PCDHGB2: variants seen among roughly 807,000 people sequenced by gnomAD.
The protein encoded by PCDHGB2 is protocadherin gamma-B2.
PCDHGB2 carries 55 observed loss-of-function variants against 59.3 expected under a neutral mutation model. The observed-to-expected ratio is 0.93, with a 90% confidence interval of 0.75 to 1.16. The LOEUF is 1.16. Ranked by LOEUF, PCDHGB2 falls within the 50% of genes most tolerant of loss-of-function variation. PCDHGB2 has a pLI of 0.00. For synonymous variants in PCDHGB2, 516 were observed against 512.0 expected, an observed-to-expected ratio of 1.01 and a Z score of -0.11; for missense variants, 1,228 against 1,198.5, an observed-to-expected ratio of 1.02 and a Z score of -0.36.
chr5:141,381,725 G>T (rs568567698), intron 1 of PCDHGB2, among the ~76,000 whole-genome samples: 1 of 151,768 alleles, frequency 6.6e-6, no homozygotes, highest in Admixed American at 6.6e-5. Flanking sequence ...AAGACTGGGA[G>T]TGAGAATATT....
rs776550132 is a variant in PCDHGB2, at chr5:141,394,056, G to A, written c.2421+31500G>A. 6 of 1,613,616 alleles carry A rather than the reference G, an allele frequency of 3.7e-6. No homozygotes were observed. The African/African-American group carries it at 5.3e-5, about 14-fold the overall frequency. On this transcript the variant is annotated intron_variant, in intron 1 of 3. Coordinates refer to ENST00000522605, the MANE Select transcript of PCDHGB2 (RefSeq NM_018923.3). ...AAGGAAATATTTGGACCGAGAAAAT[G>A]TCTCTATCTACAATATCACAGTGAT...
chr5:141,419,481 C>T (rs2096389716), intron 1 of PCDHGB2: 1 of 1,612,422 alleles, frequency 6.2e-7, no homozygotes, highest in East Asian at 2.2e-5. Flanking sequence ...GGCTCGCCCG[C>T]GCTCAGCGCC....
chr5:141,428,361 C>G, intron 1 of PCDHGB2: 2 of 556,764 alleles, frequency 3.6e-6, no homozygotes, highest in Non-Finnish European at 6.6e-6. Context: ...TTTTGGCGGT[C>G]GCCTTGCACC....
At chr5:141,479,982 C>T (rs368461965) in intron 1 of PCDHGB2, among the ~76,000 whole-genome samples, 1 of 152,192 alleles carries the variant, frequency 6.6e-6, no homozygotes, top group South Asian at 2.1e-4. Flanking sequence ...CTACCATTTA[C>T]CAACTAGGAG....
At position 141,374,373 on chromosome 5, in the gene PCDHGB2, C is replaced by A. The variant is rs370590731; in HGVS notation, c.2421+11817C>A. 7.4e-6 allele frequency: 12 copies of A among 1,613,934 alleles called. No homozygotes were observed. Among genetic ancestry groups the A allele is most frequent in the Non-Finnish European group, 8.5e-7 (1 of 1,179,910 alleles). On this transcript the variant is annotated intron_variant, in intron 1 of 3. Transcript: ENST00000522605. ...AGGATAGACCGCGAGGAGCTCTGTGCTCAGAGCCCGCGGTGTCTGGTGAGT... is the reference window on the plus strand; with the variant it reads ...AGGATAGACCGCGAGGAGCTCTGTGATCAGAGCCCGCGGTGTCTGGTGAGT...
chr5:141,399,731 CGCCTGCGCTCAGCGCAAACGTGA>C (rs777966215), intron 1 of PCDHGB2: 5 of 1,613,174 alleles, frequency 3.1e-6, no homozygotes, highest in Admixed American at 1.7e-5. Flanking sequence ...GACCAGGGCT[CGCCTGCGCTCAGCGCAAACGTGA>C]GCCTGCGCGT....
intron 1 of PCDHGB2, chr5:141,478,545 A>T: frequency 6.2e-7 from 1 of 1,605,606 alleles, no homozygotes; most frequent in Admixed American, 1.7e-5. Context: ...CCTCCCGGAC[A>T]GGTAAGGTTT....
rs750214310 is a variant in PCDHGB2 at position 141,432,447 on chromosome 5, T to C, written c.2422-62360T>C. 1 of 1,614,202 alleles carries C rather than the reference T, an allele frequency of 6.2e-7. No homozygotes were observed. Among genetic ancestry groups the C allele is most frequent in the South Asian group, 1.1e-5 (1 of 91,072 alleles). ...CAGAACGACAATGCGCCCGAGATCCTGTACCCCGCCCTCCCCACGGACGGT... is the reference window on the plus strand; with the variant it reads ...CAGAACGACAATGCGCCCGAGATCCCGTACCCCGCCCTCCCCACGGACGGT... On this transcript the variant is annotated intron_variant, in intron 1 of 3. Coordinates refer to ENST00000522605, the MANE Select transcript of PCDHGB2 (RefSeq NM_018923.3). This position sits in a 1 kb window ranked among gnomAD's most constrained non-coding sequence, Gnocchi z 6.0.
At chr5:141,437,654 A>C (rs185455660) in intron 1 of PCDHGB2, among the ~76,000 whole-genome samples, 1 of 152,256 alleles carries the variant, frequency 6.6e-6, no homozygotes, top group African/African-American at 2.4e-5. Context: ...GCAAACACAT[A>C]GTTTCGAAGA....
At chr5:141,452,887 C>T (rs1000136303) in intron 1 of PCDHGB2, among the ~76,000 whole-genome samples, 1 of 152,174 alleles carries the variant, frequency 6.6e-6, no homozygotes, top group Non-Finnish European at 1.5e-5. Flanking sequence ...ATAATTTATT[C>T]CACTTTTATT....
intron 1 of PCDHGB2, chr5:141,478,171 G>A (rs141465380): frequency 7.3e-5 from 118 of 1,613,942 alleles, no homozygotes; most frequent in African/African-American, 1.5e-4. Flanking sequence ...CCCCCCGGGA[G>A]CAGAAAAAAA....
At chr5:141,367,544 A>G (rs976258516) in intron 1 of PCDHGB2, 78 of 146,054 alleles carry the variant, frequency 5.3e-4, no homozygotes, top group African/African-American at 1.8e-3. Context: ...CTCAAAATAA[A>G]TAAATAAATA....
chr5:141,402,977 C>T, intron 1 of PCDHGB2: 2 of 1,608,138 alleles, frequency 1.2e-6, no homozygotes, highest in Non-Finnish European at 8.5e-7. Flanking sequence ...CAAATGCCAG[C>T]TCCGCGGAAG....
chr5:141,408,769 C>A (rs754783489), intron 1 of PCDHGB2: 3 of 1,611,166 alleles, frequency 1.9e-6, no homozygotes, highest in South Asian at 1.1e-5. Flanking sequence ...CCGATGGTGG[C>A]AAATACCCAG....
At position 141,485,443 on chromosome 5, in the gene PCDHGB2, C is replaced by A. The variant is rs2099613637; in HGVS notation, c.2422-9364C>A. 5 of 1,614,054 alleles carry A rather than the reference C, an allele frequency of 3.1e-6. No individual in the cohort carries two copies. The East Asian group carries it at 6.7e-5, about 22-fold the overall frequency. ...GAGCCCTGCTCATCAAGAACCCAAT[C>A]GACCGAGAGGCACTGTGTGGGCTCA... On this transcript the variant is annotated intron_variant, in intron 1 of 3. Coordinates refer to ENST00000522605, the MANE Select transcript of PCDHGB2 (RefSeq NM_018923.3). This position sits in a 1 kb window ranked among gnomAD's most constrained non-coding sequence, Gnocchi z 5.7.
intron 1 of PCDHGB2, among the ~76,000 whole-genome samples, chr5:141,472,508 C>T (rs140607073): frequency 0.01 from 1,548 of 151,922 alleles, 35 homozygotes; most frequent in African/African-American, 0.035. Flanking sequence ...CCACTGCACT[C>T]CAGCCTGGGT....
In PCDHGB2 at chr5:141,502,866, C is replaced by CTTTTTTTTTTTT. The variant is rs549047197; in HGVS notation, c.2481-2524_2481-2513dup. 2.4e-4 allele frequency among the ~76,000 whole-genome samples: 31 copies of CTTTTTTTTTTTT among 128,008 alleles called. 3 individuals are homozygous for CTTTTTTTTTTTT. Among genetic ancestry groups the CTTTTTTTTTTTT allele is most frequent in the African/African-American group, 3.4e-4 (11 of 32,350 alleles). 84.0% of individuals were successfully genotyped at this position (128,008 alleles called of 152,430 possible). ...GAGCTGCCTAACCCTGACTCTCTGT[C>CTTTTTTTTTTTT]TTTTTTTTTTTTTTGACAGGGAGTC... is the stretch of plus-strand genomic sequence containing the variant. On this transcript the variant is annotated intron_variant, in intron 2 of 3. Transcript: ENST00000522605.
intron 1 of PCDHGB2, chr5:141,399,280 G>T (rs750453381): frequency 6.2e-7 from 1 of 1,613,836 alleles, no homozygotes; most frequent in Non-Finnish European, 8.5e-7. Flanking sequence ...ATTACAAGGC[G>T]AAGTCCCTTT....
Position 141,490,027 on chromosome 5 carries a change from CG to C in PCDHGB2, c.2422-4779del. The C allele has an allele frequency of 6.2e-7, 1 of 1,614,214 alleles. No individual in the cohort carries two copies. Among genetic ancestry groups the C allele is most frequent in the Admixed American group, 1.7e-5 (1 of 60,032 alleles). On this transcript the variant is annotated intron_variant, in intron 1 of 3. Transcript: ENST00000522605. The surrounding 1 kb of genome is among the most constrained non-coding windows in gnomAD (Gnocchi z 5.4). Reference sequence around the variant, plus strand: ...TGCACCCATTGGTACTCTGCTGCTCCGCCTCAATGCCACTGATCCAGACGAG... The same window carrying C: ...TGCACCCATTGGTACTCTGCTGCTCCCCTCAATGCCACTGATCCAGACGAG...
Sources: allele counts gnomAD v4.1 joint callset (sites outside exome capture counted in the v4.1 genomes callset), GRCh38; gene constraint gnomAD v4.1.1; non-coding constraint Gnocchi (gnomAD v3.1); transcripts MANE v1.5; gene names NCBI Gene and HGNC (gene_info 2026-07-23, HGNC 2026-07-21).